The following CSF1R variants were observed in gnomAD, a reference collection of about 807,000 sequenced individuals.
CSF1R encodes the protein macrophage colony-stimulating factor 1 receptor.
CSF1R carries 40 observed loss-of-function variants against 110.0 expected under a neutral mutation model. The ratio of observed to expected loss-of-function variants is 0.36; its 90% CI spans 0.28 to 0.47. The LOEUF is 0.47. Among genes scored for constraint, CSF1R ranks in the 20% least tolerant of loss-of-function variants. The probability of loss-of-function intolerance (pLI) is 0.99; values close to 1 mark genes in which losing one functional copy is unlikely to be tolerated. For synonymous variants in CSF1R, 523 were observed against 503.4 expected (o/e 1.04, Z -0.52); for missense variants, 1,052 against 1,253.0 (o/e 0.84, Z 2.42).
At chr5:150,077,193 G>C in intron 5 of CSF1R, 83 bp downstream of exon 5, 2 of 1,561,330 alleles carry the variant, frequency 1.3e-6, no homozygotes, top group Non-Finnish European at 1.8e-6. Context: ...CTCCTTCCCT[G>C]ACATCAGCTT....
chr5:150,073,553 C>A, intron 5 of CSF1R, 60 bp from the exon 6 acceptor site: 1 of 1,553,130 alleles, frequency 6.4e-7, no homozygotes, highest in East Asian at 2.3e-5. Flanking sequence ...GTTTATTTGT[C>A]CATTTTGTCA....
intron 18 of CSF1R, 37 bp from the exon 19 acceptor site, chr5:150,055,373 T>C (rs747749785): frequency 5.1e-6 from 8 of 1,564,484 alleles, no homozygotes; most frequent in East Asian, 2.2e-5. Flanking sequence ...GCCATGCCCA[T>C]TGTCTTCTCC....
At chr5:150,070,361 A>G in intron 7 of CSF1R, 59 bp from the exon 8 acceptor site, 1 of 1,597,954 alleles carries the variant, frequency 6.3e-7, no homozygotes, top group Non-Finnish European at 8.5e-7. Context: ...CCAATCTCCC[A>G]GTACCTACTT....
At chr5:150,056,680 A>G (rs761409483) in intron 16 of CSF1R, among the ~76,000 whole-genome samples, 2 of 152,192 alleles carry the variant, frequency 1.3e-5, no homozygotes, top group African/African-American at 2.4e-5. Context: ...TTCTGATCAT[A>G]GCAGCTGCTA....
At chr5:150,064,370 GTAGT>G (rs1345540185) in intron 10 of CSF1R, among the ~76,000 whole-genome samples, 2 of 152,230 alleles carry the variant, frequency 1.3e-5, no homozygotes, top group African/African-American at 4.8e-5. Flanking sequence ...CTTCTAGCTG[GTAGT>G]TAGAGAGAAA....
At chr5:150,100,303 TTTTTTTTTTTC>T (rs1351862630) in intron 1 of CSF1R, among the ~76,000 whole-genome samples, 2 of 133,068 alleles carry the variant, frequency 1.5e-5, no homozygotes, top group Admixed American at 1.5e-4. Flanking sequence ...TTTTTTTTTT[TTTTTTTTTTTC>T]TGAGACGGAG....
intron 6 of CSF1R, among the ~76,000 whole-genome samples, chr5:150,070,985 G>A (rs1292739181): frequency 2.0e-5 from 3 of 152,238 alleles, no homozygotes; most frequent in Non-Finnish European, 4.4e-5. Context: ...CCTGGGTTCT[G>A]AGCCATGTTG....
chr5:150,089,293 T>C (rs1487217507), upstream of CSF1R, among the ~76,000 whole-genome samples: 1 of 152,200 alleles, frequency 6.6e-6, no homozygotes, highest in Non-Finnish European at 1.5e-5. Flanking sequence ...TGTTCACAGA[T>C]GACATGATCC....
At chr5:150,094,357 A>G in intron 1 of CSF1R, 1 of 1,600,098 alleles carries the variant, frequency 6.2e-7, no homozygotes, top group Non-Finnish European at 8.5e-7. Context: ...GAAACCCTTA[A>G]GAAAAAGCGA....
At chr5:150,061,436 CACCCCCAGCATCTACCA>C in intron 12 of CSF1R, 38 bp downstream of exon 12, 6 of 938,714 alleles carry the variant, frequency 6.4e-6, no homozygotes, top group Admixed American at 2.8e-5. Flanking sequence ...AGGGCCAGCC[CACCCCCAGCATCTACCA>C]CCCCCCATCC....
At chr5:150,111,270 C>T (rs1759709197) in intron 1 of CSF1R, among the ~76,000 whole-genome samples, 1 of 152,078 alleles carries the variant, frequency 6.6e-6, no homozygotes, top group Non-Finnish European at 1.5e-5. Flanking sequence ...AACAAGAACC[C>T]CGGCCGTGAG....
At position 150,061,727 on chromosome 5, in the gene CSF1R, C is replaced by T; in HGVS notation, c.1749G>A (p.Gln583=). 1 of 1,614,242 alleles carries T rather than the reference C, an allele frequency of 6.2e-7. No homozygotes were observed. Among genetic ancestry groups the T allele is most frequent in the Non-Finnish European group, 8.5e-7 (1 of 1,180,048 alleles). ...AGTGATGAGCTGCCATCTCACCAAA[C>T]TGCAGGTTGTTCCGGGGGAACTCCC... ...EKWEFPRNNL[Q]FGKTLGAGAF... is the part of the protein sequence containing the mutation. Residue 583 remains glutamine (Q), a synonymous_variant, in exon 11 of 21, where the codon CAG becomes CAA. Coordinates refer to ENST00000675795, the MANE Select transcript of CSF1R (RefSeq NM_001288705.3).
chr5:150,066,126 G>A (rs1191203754), intron 10 of CSF1R, among the ~76,000 whole-genome samples: 4 of 152,116 alleles, frequency 2.6e-5, no homozygotes, highest in African/African-American at 7.2e-5. Flanking sequence ...GATGATGCCC[G>A]ACCTCAGACC....
chr5:150,094,494 T>G (rs1180960674), intron 1 of CSF1R: 7 of 1,599,612 alleles, frequency 4.4e-6, no homozygotes, highest in Non-Finnish European at 5.9e-6. Context: ...TAGGCAGATG[T>G]ACAGGACTGA....
At chr5:150,069,745 G>T in intron 9 of CSF1R, 128 bp downstream of exon 9, 1 of 889,240 alleles carries the variant, frequency 1.1e-6, no homozygotes, top group Non-Finnish European at 1.7e-6. Context: ...CCTTGGTACT[G>T]CTAGGATCTG....
At chr5:150,078,707 G>A (rs1256708327) in intron 3 of CSF1R, among the ~76,000 whole-genome samples, 1 of 152,136 alleles carries the variant, frequency 6.6e-6, no homozygotes, top group Non-Finnish European at 1.5e-5. Context: ...CCCACCCCTT[G>A]TTCACTGCAC....
chr5:150,074,303 T>A (rs1287776351), intron 5 of CSF1R, among the ~76,000 whole-genome samples: 1 of 138,274 alleles, frequency 7.2e-6, no homozygotes, highest in Non-Finnish European at 1.5e-5. Context: ...GAGTCCTGAC[T>A]AGTTTTTTTT....
chr5:150,104,184 A>G (rs187809417), intron 1 of CSF1R, among the ~76,000 whole-genome samples: 14 of 152,322 alleles, frequency 9.2e-5, no homozygotes, highest in Admixed American at 7.8e-4. Flanking sequence ...CCCAGCTTTC[A>G]TGCAATTCTC....
rs1221129051 is a variant in CSF1R at position 150,080,950 on chromosome 5, A to G, written c.124T>C (p.Cys42Arg). Residue 42 changes from cysteine to arginine, a missense_variant, in exon 2 of 21, where the codon TGT (cysteine) becomes CGT (arginine). By Grantham distance (180) the Cys-to-Arg change is radical. Around this residue, in one of 5 missense-constraint regions of CSF1R, gnomAD observed 693 missense variants for 735.4 expected, o/e 0.94. Transcript: ENST00000675795. ...VKPGATVTLR[C>R]VGNGSVEWDG... ...CATTCCACGCTGCCATTGCCCACAC[A>G]TCGCAAGGTCACCGTTGCTCCTGGC... 3.0e-5 allele frequency: 48 copies of G among 1,614,162 alleles called. No individual in the cohort carries two copies. Among genetic ancestry groups the G allele is most frequent in the Non-Finnish European group, 4.0e-5 (47 of 1,180,008 alleles).
Sources: gnomAD v4.1 joint callset for allele counts (sites outside exome capture counted in the v4.1 genomes callset) on GRCh38, gnomAD v4.1.1 for gene constraint, gnomAD v4.1.1 regional missense constraint, MANE v1.5 for transcripts, NCBI Gene and HGNC (gene_info 2026-07-23, HGNC 2026-07-21) for gene names.